MANBAL: variants seen among roughly 807,000 people sequenced by gnomAD.
The protein encoded by MANBAL is protein MANBAL.
A neutral mutation model predicts 6.4 loss-of-function variants in MANBAL; 1 was observed. The ratio of observed to expected loss-of-function variants is 0.16; its 90% confidence interval spans 0.06 to 0.74. MANBAL has a LOEUF of 0.74. Among genes scored for constraint, MANBAL ranks in the 30% least tolerant of loss-of-function variants. The pLI is 0.78. For missense variants in MANBAL, 100 were observed against 107.8 expected, an observed-to-expected ratio of 0.93 and a Z score of 0.32; for synonymous variants, 47 against 45.8, an observed-to-expected ratio of 1.03 and a Z score of -0.10.
intron 2 of MANBAL, among the ~76,000 whole-genome samples, chr20:37,306,346 C>T (rs2069258269): frequency 6.6e-6 from 1 of 152,104 alleles, no homozygotes. Context: ...TTGCTTATGA[C>T]TTCAGTATTT....
rs919391091 is a variant in MANBAL at position 37,292,538 on chromosome 20, G to C, written c.-57+2852G>C. On this transcript the variant is annotated intron_variant, in intron 1 of 2. Transcript: ENST00000373606. ...TGGTCTTGAACTCTTGACCTCAGGT[G>C]ATCCACCTGCCTTGGCCTCCTGATT... Among the ~76,000 whole-genome samples, 3 of 152,268 alleles carry C rather than the reference G, an allele frequency of 2.0e-5. No individual in the cohort carries two copies. The South Asian group carries it at 6.2e-4, about 32-fold the overall frequency.
chr20:37,309,233 A>C (rs1472640334), intron 2 of MANBAL, among the ~76,000 whole-genome samples: 1 of 152,158 alleles, frequency 6.6e-6, no homozygotes, highest in Non-Finnish European at 1.5e-5. Context: ...TGGCTGCAGC[A>C]GCCACAGTCA....
chr20:37,310,185 C>G (rs557822496), intron 2 of MANBAL, among the ~76,000 whole-genome samples: 1 of 152,340 alleles, frequency 6.6e-6, no homozygotes, highest in Admixed American at 6.5e-5. Context: ...GCATCCTGGA[C>G]TCCGTGTCTC....
chr20:37,312,830 A>G (rs2069418536), intron 2 of MANBAL, among the ~76,000 whole-genome samples: 1 of 152,214 alleles, frequency 6.6e-6, no homozygotes, highest in Non-Finnish European at 1.5e-5. Flanking sequence ...ATTGGCAGCT[A>G]TGCTTAAGGC....
intron 2 of MANBAL, among the ~76,000 whole-genome samples, chr20:37,313,321 A>C (rs2069430081): frequency 6.6e-6 from 1 of 152,026 alleles, no homozygotes; most frequent in Non-Finnish European, 1.5e-5. Context: ...CAATGAGCCG[A>C]GATCGAGCCA....
intron 2 of MANBAL, 81 bp from the exon 3 acceptor site, chr20:37,316,227 T>G: frequency 7.6e-7 from 1 of 1,314,408 alleles, no homozygotes; most frequent in Admixed American, 2.2e-5. Flanking sequence ...GGCATGCTTC[T>G]TTGCTTTCAG....
chr20:37,314,425 C>A, intron 2 of MANBAL, among the ~76,000 whole-genome samples: 1 of 152,210 alleles, frequency 6.6e-6, no homozygotes, highest in South Asian at 2.1e-4. Flanking sequence ...GGCACTGGGG[C>A]GGCAACTGGG....
At chr20:37,291,252 A>G (rs573959027) in intron 1 of MANBAL, among the ~76,000 whole-genome samples, 16 of 152,354 alleles carry the variant, frequency 1.1e-4, no homozygotes, top group African/African-American at 3.8e-4. Flanking sequence ...GAGTGCCCAT[A>G]TAGCCCACGT....
At chr20:37,306,477 T>C (rs1013152018) in intron 2 of MANBAL, among the ~76,000 whole-genome samples, 16 of 152,170 alleles carry the variant, frequency 1.1e-4, no homozygotes, top group African/African-American at 3.9e-4. Context: ...AGAGTCAATT[T>C]GTAAAATCAA....
At chr20:37,290,937 C>T (rs2068852439) in intron 1 of MANBAL, among the ~76,000 whole-genome samples, 2 of 152,196 alleles carry the variant, frequency 1.3e-5, no homozygotes, top group South Asian at 4.1e-4. Context: ...ACACTGGTTT[C>T]TATTCCCCAG....
intron 2 of MANBAL, among the ~76,000 whole-genome samples, chr20:37,312,134 G>C (rs1471233897): frequency 1.3e-5 from 2 of 152,174 alleles, no homozygotes; most frequent in Admixed American, 6.5e-5. Flanking sequence ...GACAGATCAA[G>C]CATTCAGATG....
At chr20:37,294,775 G>C (rs1600896341) in intron 1 of MANBAL, among the ~76,000 whole-genome samples, 1 of 152,266 alleles carries the variant, frequency 6.6e-6, no homozygotes, top group East Asian at 1.9e-4. Context: ...CATTGCATGT[G>C]TATGTGTGTA....
intron 2 of MANBAL, 22 bp from the exon 3 acceptor site, chr20:37,316,284 ACT>A (rs1177024593): frequency 6.2e-7 from 1 of 1,607,970 alleles, no homozygotes; most frequent in African/African-American, 1.3e-5. Flanking sequence ...TCTAAGCAGG[ACT>A]CTCCTTTTTA....
intron 1 of MANBAL, among the ~76,000 whole-genome samples, chr20:37,299,276 G>A (rs1487547517): frequency 1.3e-5 from 2 of 151,740 alleles, no homozygotes; most frequent in African/African-American, 2.4e-5. Flanking sequence ...ATGGGGTCTC[G>A]CTGTGTTGTC....
chr20:37,312,571 C>T (rs908480126), intron 2 of MANBAL, among the ~76,000 whole-genome samples: 1 of 152,096 alleles, frequency 6.6e-6, no homozygotes, highest in East Asian at 1.9e-4. Context: ...TTTGTGAGGC[C>T]GTCATGTCCA....
chr20:37,296,817 G>A (rs181075755), intron 1 of MANBAL: 105 of 152,156 alleles, frequency 6.9e-4, no homozygotes, highest in African/African-American at 1.9e-3. Flanking sequence ...TTGTTGCTTG[G>A]CTCATGAGAA....
At chr20:37,312,719 C>T (rs1329729565) in intron 2 of MANBAL, among the ~76,000 whole-genome samples, 3 of 152,190 alleles carry the variant, frequency 2.0e-5, no homozygotes, top group East Asian at 3.8e-4. Flanking sequence ...AGTCATAGCG[C>T]ACTACAGCCT....
In MANBAL at chr20:37,316,308, G is replaced by A; in HGVS notation, c.151G>A (p.Glu51Lys). ...IVPIPKSHEA[E>K]AEPSEPRSAE... ...GACTCTCCTTTTTATCACCTCACAG[G>A]AGGCTGAACCGTCTGAGCCCAGAAG... Residue 51 changes from glutamate (E) to lysine (K), a missense_variant and splice_region_variant, in exon 3 of 3, where the codon GAG (glutamate) becomes AAG (lysine). Glu to Lys is a moderately conservative substitution (Grantham distance 56). Transcript: ENST00000373606. 1 of 1,613,200 alleles carries A rather than the reference G, an allele frequency of 6.2e-7. No homozygotes were observed. The highest frequency in any genetic ancestry group is 8.5e-7 in the Non-Finnish European group (1 of 1,179,612).
intron 2 of MANBAL, among the ~76,000 whole-genome samples, chr20:37,305,178 C>CT (rs1403928330): frequency 1.3e-5 from 2 of 152,222 alleles, no homozygotes; most frequent in Non-Finnish European, 2.9e-5. Flanking sequence ...CTCTGTGCTC[C>CT]TGGGCTCTGT....
Sources: gnomAD v4.1 joint callset for allele counts (sites outside exome capture counted in the v4.1 genomes callset) on GRCh38, gnomAD v4.1.1 for gene constraint, MANE v1.5 for transcripts, NCBI Gene and HGNC (gene_info 2026-07-23, HGNC 2026-07-21) for gene names.